The following CDCA2 variants were observed in gnomAD, a reference collection of about 807,000 sequenced individuals.
The protein encoded by CDCA2 is cell division cycle associated 2.
CDCA2 carries 44 observed loss-of-function variants against 67.0 expected under a neutral mutation model. That is an observed-to-expected ratio of 0.66 (90% CI 0.52 to 0.84). CDCA2 has a LOEUF of 0.84. Ranked by LOEUF, CDCA2 falls within the 40% of genes least tolerant of loss-of-function variation. The probability of loss-of-function intolerance (pLI) is 0.00; values close to 1 mark genes in which losing one functional copy is unlikely to be tolerated. For synonymous variants in CDCA2, 447 were observed against 418.7 expected (o/e 1.07, Z -0.82); for missense variants, 1,253 against 1,203.2 (o/e 1.04, Z -0.61).
chr8:25,491,024 T>C (rs1803980820), intron 13 of CDCA2, among the ~76,000 whole-genome samples: 2 of 152,166 alleles, frequency 1.3e-5, no homozygotes, highest in Non-Finnish European at 2.9e-5. Flanking sequence ...AAATTTTACA[T>C]ACATAAATAC....
At chr8:25,485,962 T>C in intron 11 of CDCA2, 125 bp downstream of exon 11, 1 of 531,850 alleles carries the variant, frequency 1.9e-6, no homozygotes, top group Non-Finnish European at 3.3e-6. Context: ...TAAAAACACC[T>C]AATAGTATTG....
chr8:25,479,180 A>G (rs1410721343), intron 7 of CDCA2, among the ~76,000 whole-genome samples: 1 of 152,096 alleles, frequency 6.6e-6, no homozygotes, highest in Non-Finnish European at 1.5e-5. Context: ...AGTACAGCCA[A>G]GCCACAGCAT....
chr8:25,468,443 T>G, intron 6 of CDCA2, 30 bp downstream of exon 6: 1 of 1,582,098 alleles, frequency 6.3e-7, no homozygotes, highest in Non-Finnish European at 8.6e-7. Context: ...CATAGGAAAA[T>G]GAAGTTGTTG....
At chr8:25,461,221 C>G (rs183525589) in intron 3 of CDCA2, among the ~76,000 whole-genome samples, 1 of 137,494 alleles carries the variant, frequency 7.3e-6, no homozygotes, top group South Asian at 2.3e-4. Context: ...GAGTCGAAAT[C>G]GCACCATTGC....
chr8:25,477,074 A>G (rs972241329), intron 7 of CDCA2, among the ~76,000 whole-genome samples: 1 of 152,204 alleles, frequency 6.6e-6, no homozygotes, highest in Admixed American at 6.5e-5. Flanking sequence ...AGAGAAGGCC[A>G]CACTCTGTCT....
chr8:25,467,065 AACACAC>A (rs748648393), intron 5 of CDCA2, among the ~76,000 whole-genome samples: 2 of 126,232 alleles, frequency 1.6e-5, no homozygotes, highest in African/African-American at 3.2e-5. Context: ...AAAAAAAAAA[AACACAC>A]ACACACACAC....
chr8:25,480,304 T>G (rs185475177), intron 8 of CDCA2, among the ~76,000 whole-genome samples, 180 bp downstream of exon 8: 8 of 152,312 alleles, frequency 5.3e-5, no homozygotes, highest in Non-Finnish European at 7.3e-5. Flanking sequence ...CTTTTTGTTC[T>G]TATTTTTAAA....
At chr8:25,489,618 C>G (rs893613170) in intron 13 of CDCA2, among the ~76,000 whole-genome samples, 1 of 152,132 alleles carries the variant, frequency 6.6e-6, no homozygotes, top group Non-Finnish European at 1.5e-5. Flanking sequence ...ACCACTTTGC[C>G]GCTTCACTTC....
rs1487418371 is a variant in CDCA2 at position 25,464,455 on chromosome 8, TCAAA to T, written c.388-1717_388-1714del. Among the ~76,000 whole-genome samples the T allele has an allele frequency of 6.6e-5, 10 of 152,268 alleles. No homozygotes were observed. The East Asian group carries it at 1.7e-3, about 26-fold the overall frequency. ...TAATTTTCCCTAGATCCTGAGCCCC[TCAAA>T]CAGTTTGTGGTGCATGGAAGGAAGG... On this transcript the variant is annotated intron_variant, in intron 4 of 14. Transcript: ENST00000330560.
At position 25,474,380 on chromosome 8, in the gene CDCA2, A is replaced by C. The variant is rs1225381990; in HGVS notation, c.820+4400A>C. Among the ~76,000 whole-genome samples, 3 of 152,214 alleles carry C rather than the reference A, an allele frequency of 2.0e-5. No individual in the cohort carries two copies. The East Asian group carries it at 5.8e-4, about 29-fold the overall frequency. On this transcript the variant is annotated intron_variant, in intron 7 of 14. Coordinates refer to ENST00000330560, the MANE Select transcript of CDCA2 (RefSeq NM_152562.4). ...TGTCAGTTCTTTAAATGTTTGATGG[A>C]AGTCAGCAATAAAGCCATCTGGTCC...
intron 10 of CDCA2, among the ~76,000 whole-genome samples, chr8:25,484,921 T>A (rs555014627): frequency 6.6e-6 from 1 of 152,286 alleles, no homozygotes; most frequent in Non-Finnish European, 1.5e-5. Flanking sequence ...ACAGGCATTA[T>A]AAGAGAAGAA....
At chr8:25,463,913 G>T (rs1257027087) in intron 4 of CDCA2, among the ~76,000 whole-genome samples, 1 of 152,156 alleles carries the variant, frequency 6.6e-6, no homozygotes, top group Non-Finnish European at 1.5e-5. Flanking sequence ...CTTGTTCTTG[G>T]AGAGTACCTC....
chr8:25,474,615 G>C (rs1185136771), intron 7 of CDCA2, among the ~76,000 whole-genome samples: 1 of 152,174 alleles, frequency 6.6e-6, no homozygotes, highest in Non-Finnish European at 1.5e-5. Flanking sequence ...AAATGATATT[G>C]CTAGCTGTCC....
chr8:25,488,757 A>G, intron 13 of CDCA2, 68 bp downstream of exon 13: 1 of 1,403,396 alleles, frequency 7.1e-7, no homozygotes, highest in African/African-American at 1.5e-5. Flanking sequence ...TAATTAGGAA[A>G]ATATAGAAAC....
At chr8:25,498,451 G>GCCCCCCCCCCCCCCCCCCCCCCCCC (rs1416959712) in intron 13 of CDCA2, among the ~76,000 whole-genome samples, 1 of 62,030 alleles carries the variant, frequency 1.6e-5, no homozygotes, top group Non-Finnish European at 3.7e-5. Flanking sequence ...CAGGTAATCT[G>GCCCCCCCCCCCCCCCCCCCCCCCCC]CACCCCCCCC....
intron 7 of CDCA2, among the ~76,000 whole-genome samples, chr8:25,477,308 C>T (rs1803388641): frequency 6.6e-6 from 1 of 152,138 alleles, no homozygotes; most frequent in African/African-American, 2.4e-5. Context: ...CATCACTGAC[C>T]ATTTCCTCTT....
intron 7 of CDCA2, among the ~76,000 whole-genome samples, chr8:25,477,709 C>T (rs1413504984): frequency 2.6e-5 from 4 of 152,096 alleles, no homozygotes; most frequent in Non-Finnish European, 5.9e-5. Flanking sequence ...GTGGCCTTTT[C>T]CCGGAACTCT....
chr8:25,496,398 G>A (rs1304818089), intron 13 of CDCA2, among the ~76,000 whole-genome samples: 1 of 152,096 alleles, frequency 6.6e-6, no homozygotes, highest in Non-Finnish European at 1.5e-5. Context: ...GGGAAAAGTT[G>A]TTTATAGAAG....
At chr8:25,466,081 A>G (rs1053710240) in intron 4 of CDCA2, 94 bp from the exon 5 acceptor site, 1 of 1,136,392 alleles carries the variant, frequency 8.8e-7, no homozygotes, top group Non-Finnish European at 1.3e-6. Context: ...GCATATGTGT[A>G]CTGTATTTAA....
Sources: allele counts gnomAD v4.1 joint callset (sites outside exome capture counted in the v4.1 genomes callset), GRCh38; gene constraint gnomAD v4.1.1; transcripts MANE v1.5; gene names NCBI Gene and HGNC (gene_info 2026-07-23, HGNC 2026-07-21).